MALRD1: variants seen among roughly 807,000 people sequenced by gnomAD.
The protein encoded by MALRD1 is MAM and LDL receptor class A domain containing 1, also known as MAM and LDL-receptor class A domain-containing protein 1.
MALRD1 carries 247 observed loss-of-function variants against 242.1 expected under a neutral mutation model. That is an observed-to-expected ratio of 1.02 (90% CI 0.92 to 1.13). MALRD1 has a LOEUF of 1.13. Ranked by LOEUF, MALRD1 falls within the 50% of genes most tolerant of loss-of-function variation. The pLI is 0.00. For missense variants in MALRD1, 2,989 were observed against 2,533.1 expected (o/e 1.18, Z -3.86); for synonymous variants, 995 against 866.6 (o/e 1.15, Z -2.60).
chr10:19,074,150 C>A (rs1835245644), intron 2 of MALRD1, among the ~76,000 whole-genome samples: 1 of 152,080 alleles, frequency 6.6e-6, no homozygotes, highest in African/African-American at 2.4e-5. Flanking sequence ...TAATTTTTCT[C>A]ACCTGAACTG....
intron 34 of MALRD1, among the ~76,000 whole-genome samples, chr10:19,607,517 G>T (rs979652082): frequency 6.6e-6 from 1 of 152,066 alleles, no homozygotes; most frequent in African/African-American, 2.4e-5. Context: ...AGATATGAAT[G>T]TTGAGGTGAG....
intron 38 of MALRD1, among the ~76,000 whole-genome samples, chr10:19,714,500 G>A (rs1018850501): frequency 2.0e-5 from 3 of 152,116 alleles, no homozygotes; most frequent in Non-Finnish European, 4.4e-5. Context: ...CACAGGATGG[G>A]GGCTTGACAG....
intron 26 of MALRD1, among the ~76,000 whole-genome samples, chr10:19,361,126 A>G (rs927207572): frequency 1.3e-5 from 2 of 152,126 alleles, no homozygotes; most frequent in Non-Finnish European, 2.9e-5. Context: ...ATATAGATAC[A>G]TAGCCAAACA....
chr10:19,167,136 G>A (rs1463450810), intron 13 of MALRD1, among the ~76,000 whole-genome samples: 1 of 152,080 alleles, frequency 6.6e-6, no homozygotes, highest in Non-Finnish European at 1.5e-5. Flanking sequence ...GAGGCGGGTG[G>A]ATCACGAGAT....
intron 19 of MALRD1, among the ~76,000 whole-genome samples, chr10:19,260,096 T>A (rs1312163335): frequency 1.3e-5 from 2 of 152,230 alleles, no homozygotes; most frequent in Non-Finnish European, 2.9e-5. Context: ...ACTCTCGTTA[T>A]ATATTTTAGT....
At chr10:19,240,015 T>G (rs1004536289) in intron 18 of MALRD1, among the ~76,000 whole-genome samples, 3 of 152,120 alleles carry the variant, frequency 2.0e-5, no homozygotes, top group African/African-American at 7.2e-5. Flanking sequence ...TGTAGGGTAC[T>G]TTTTTCTGTT....
At chr10:19,157,536 C>T (rs143404807) in intron 12 of MALRD1, among the ~76,000 whole-genome samples, 42 of 152,086 alleles carry the variant, frequency 2.8e-4, no homozygotes, top group East Asian at 5.8e-4. Context: ...CGTGAGCCAC[C>T]GCACCCAGTC....
chr10:19,235,578 C>CAGAGAGAGAGAGAGAGAGAGAGAGAG (rs34117417), intron 18 of MALRD1, among the ~76,000 whole-genome samples: 2 of 132,396 alleles, frequency 1.5e-5, no homozygotes, highest in African/African-American at 5.9e-5. Context: ...CCCACACCCA[C>CAGAGAGAGAGAGAGAGAGAGAGAGAG]AGAGAGAGAG....
intron 26 of MALRD1, 54 bp from the exon 27 acceptor site, chr10:19,387,474 A>T: frequency 2.0e-6 from 3 of 1,509,372 alleles, no homozygotes; most frequent in Non-Finnish European, 2.7e-6. Flanking sequence ...TTTTGACCTC[A>T]CTGAATGTGT....
chr10:19,441,475 T>A (rs1277035094), intron 28 of MALRD1, among the ~76,000 whole-genome samples: 1 of 152,212 alleles, frequency 6.6e-6, no homozygotes, highest in Admixed American at 6.5e-5. Flanking sequence ...TGGTTATAGG[T>A]CTAACATTTA....
At chr10:19,074,295 G>A (rs1407785161) in intron 2 of MALRD1, among the ~76,000 whole-genome samples, 1 of 152,070 alleles carries the variant, frequency 6.6e-6, no homozygotes, top group African/African-American at 2.4e-5. Flanking sequence ...AATAGTGTAA[G>A]GAATTTCAAG....
chr10:19,099,984 C>T (rs1836193799), intron 4 of MALRD1, among the ~76,000 whole-genome samples: 1 of 152,116 alleles, frequency 6.6e-6, no homozygotes, highest in African/African-American at 2.4e-5. Flanking sequence ...TAGTCTCGAA[C>T]TCCTGACCTC....
intron 18 of MALRD1, among the ~76,000 whole-genome samples, chr10:19,210,940 T>G (rs1223013842): frequency 6.6e-6 from 1 of 152,040 alleles, no homozygotes; most frequent in Non-Finnish European, 1.5e-5. Context: ...GAATCCCCCA[T>G]CAGTGTGGCA....
intron 5 of MALRD1, among the ~76,000 whole-genome samples, chr10:19,113,834 C>CACACACACAG (rs1554791250): frequency 3.1e-4 from 47 of 150,004 alleles, no homozygotes; most frequent in African/African-American, 1.1e-3. Flanking sequence ...CACACACAGA[C>CACACACACAG]ACACACACAC....
chr10:19,636,926 T>A (rs1216871459), intron 36 of MALRD1, among the ~76,000 whole-genome samples: 1 of 151,288 alleles, frequency 6.6e-6, no homozygotes, highest in African/African-American at 2.4e-5. Context: ...CAGAGTAGAT[T>A]TTTTTAAAAA....
At chr10:19,579,244 A>G (rs1292267732) in intron 33 of MALRD1, among the ~76,000 whole-genome samples, 2 of 152,142 alleles carry the variant, frequency 1.3e-5, no homozygotes, top group African/African-American at 2.4e-5. Context: ...CTAATAGACA[A>G]TTGTAGAATA....
rs1043613778 is a variant in MALRD1, at chr10:19,296,360, T to C, written c.3419+13179T>C. Among the ~76,000 whole-genome samples the C allele has an allele frequency of 2.0e-5, 3 of 152,216 alleles. No individual in the cohort carries two copies. In the South Asian group the frequency reaches 6.2e-4, roughly 32 times the overall value. On this transcript the variant is annotated intron_variant, in intron 21 of 39. Coordinates refer to ENST00000454679, the MANE Select transcript of MALRD1 (RefSeq NM_001142308.3). ...AATATTATTTTTTTGGCTGACAGTT[T>C]CTTATTTGGCAAGTTGATAGTCTGA...
chr10:19,257,414 C>G (rs72796426), intron 18 of MALRD1, among the ~76,000 whole-genome samples: 1 of 152,076 alleles, frequency 6.6e-6, no homozygotes, highest in South Asian at 2.1e-4. Context: ...GGATATCAAT[C>G]TAATATACTG....
rs61851298 is a variant in MALRD1 at position 19,164,351 on chromosome 10, G to A, written c.1657-1286G>A. 1.1e-4 allele frequency among the ~76,000 whole-genome samples: 17 copies of A among 152,082 alleles called. No homozygotes were observed. The South Asian group carries it at 3.1e-3, about 28-fold the overall frequency. On this transcript the variant is annotated intron_variant, in intron 12 of 39. Coordinates refer to ENST00000454679, the MANE Select transcript of MALRD1 (RefSeq NM_001142308.3). ...ATTGGGTCCCAACAGTGAAATACATGGCTTGCCTATATATACACTAGAATC... is the reference window on the plus strand; with the variant it reads ...ATTGGGTCCCAACAGTGAAATACATAGCTTGCCTATATATACACTAGAATC...
Sources: gnomAD v4.1 joint callset for allele counts (sites outside exome capture counted in the v4.1 genomes callset) on GRCh38, gnomAD v4.1.1 for gene constraint, MANE v1.5 for transcripts, NCBI Gene and HGNC (gene_info 2026-07-23, HGNC 2026-07-21) for gene names.